UBE3A: variants seen among roughly 807,000 people sequenced by gnomAD.
UBE3A encodes the protein ubiquitin protein ligase E3A, also known as ubiquitin-protein ligase E3A.
A neutral mutation model predicts 83.4 loss-of-function variants in UBE3A; 6 were observed. The observed-to-expected ratio is 0.07, with a 90% CI of 0.04 to 0.14. The LOEUF is 0.14. Ranked by LOEUF, UBE3A falls within the 10% of genes least tolerant of loss-of-function variation. The probability of loss-of-function intolerance (pLI) is 1.00; values close to 1 mark genes in which losing one functional copy is unlikely to be tolerated. For synonymous variants in UBE3A, 337 were observed against 355.4 expected, an observed-to-expected ratio of 0.95 and a Z score of 0.58; for missense variants, 456 against 1,036.1, an observed-to-expected ratio of 0.44 and a Z score of 7.69.
chr15:25,355,465 T>C (rs528937087), intron 9 of UBE3A, among the ~76,000 whole-genome samples: 7 of 152,300 alleles, frequency 4.6e-5, no homozygotes, highest in East Asian at 1.9e-4. Context: ...TTTTAGTCAA[T>C]AGAAACCCAA....
intron 4 of UBE3A, among the ~76,000 whole-genome samples, chr15:25,386,367 G>T (rs1455996223): frequency 6.6e-6 from 1 of 152,078 alleles, no homozygotes; most frequent in Non-Finnish European, 1.5e-5. Context: ...CAAGCACCAG[G>T]ACCAGATACA....
intron 8 of UBE3A, among the ~76,000 whole-genome samples, chr15:25,356,427 C>A (rs1436365399): frequency 6.6e-6 from 1 of 152,154 alleles, no homozygotes; most frequent in Non-Finnish European, 1.5e-5. Context: ...TAAGATTTCA[C>A]TAAAACACAA....
At chr15:25,356,662 C>G (rs1487043068) in intron 8 of UBE3A, 29 bp downstream of exon 8, 1 of 1,602,692 alleles carries the variant, frequency 6.2e-7, no homozygotes, top group Admixed American at 1.7e-5. Context: ...ATCTAAGAGA[C>G]TGAATTAAAA....
rs563431783 is a variant in UBE3A at position 25,334,357 on chromosome 15, C to T, written c.*4780G>A. On this transcript the variant is annotated 3_prime_UTR_variant, in exon 13 of 13. Transcript: ENST00000648336. ...AAAATACTTAGAAAAAAATTAAAGA[C>T]GTCAAGACTTGCACACTGAAATCTC... The T allele has an allele frequency of 4.6e-5, 7 of 151,848 alleles. No individual in the cohort carries two copies. The South Asian group carries it at 6.2e-4, about 13-fold the overall frequency. 9.4% of individuals were successfully genotyped at this position (151,848 alleles called of 1,614,324 possible). A position where few individuals can be genotyped will look rare whatever the true frequency, so the allele number is the denominator to read the frequency against.
intron 6 of UBE3A, among the ~76,000 whole-genome samples, chr15:25,366,622 T>C (rs2079140677): frequency 1.3e-5 from 2 of 152,332 alleles, no homozygotes; most frequent in South Asian, 4.1e-4. Flanking sequence ...CCTGACTAAT[T>C]GGAACCAAGT....
At chr15:25,422,106 G>T (rs536371394) in intron 1 of UBE3A, 3 of 152,150 alleles carry the variant, frequency 2.0e-5, no homozygotes, top group South Asian at 4.2e-4. Context: ...TTAAAAAAAC[G>T]AAACAAACAA....
intron 7 of UBE3A, among the ~76,000 whole-genome samples, chr15:25,359,299 T>C (rs1401508175): frequency 2.0e-5 from 3 of 152,206 alleles, no homozygotes; most frequent in Non-Finnish European, 4.4e-5. Context: ...GTTTATAATT[T>C]TCTATCTCAA....
intron 6 of UBE3A, among the ~76,000 whole-genome samples, chr15:25,366,771 A>C (rs1490833611): frequency 6.6e-6 from 1 of 152,040 alleles, no homozygotes; most frequent in African/African-American, 2.4e-5. Context: ...ACATACACAC[A>C]TAAACACACA....
Position 25,359,093 on chromosome 15 carries a change from A to G in UBE3A, c.1753+1290T>C, listed in dbSNP as rs545662048. Among the ~76,000 whole-genome samples, 35 of 152,300 alleles carry G rather than the reference A, an allele frequency of 2.3e-4. 1 individual carries two copies. In the South Asian group the frequency reaches 6.8e-3, roughly 30 times the overall value. On this transcript the variant is annotated intron_variant, in intron 7 of 12. Transcript: ENST00000648336. ...CATGTTCCAGGGAGAAAAGCACCAT[A>G]ACCTCCTGGTAAAATACTCCTTTTT...
intron 4 of UBE3A, among the ~76,000 whole-genome samples, chr15:25,400,175 A>G (rs913359601): frequency 6.6e-6 from 1 of 152,186 alleles, no homozygotes; most frequent in African/African-American, 2.4e-5. Context: ...TATTTGTATC[A>G]TCTTCAATTT....
chr15:25,371,493 A>G lies in UBE3A; in HGVS notation c.681T>C (p.Asp227=). 6.2e-7 allele frequency: 1 copy of G among 1,614,106 alleles called. No homozygotes were observed. The highest frequency in any genetic ancestry group is 8.5e-7 in the Non-Finnish European group (1 of 1,180,020). The change falls in exon 6 of 13, where the codon GAT becomes GAC. Residue 227 remains aspartate (D), a synonymous_variant. Transcript: ENST00000648336. This position sits in a 1 kb window ranked among gnomAD's most constrained non-coding sequence, Gnocchi z 5.3. Reference sequence around the variant, plus strand: ...TGGCATCAATATCCACAGACACATCATCAGGGCCTAATTTTTGCAAATTGT... The same window carrying G: ...TGGCATCAATATCCACAGACACATCGTCAGGGCCTAATTTTTGCAAATTGT... The part of the protein sequence containing the change: ...GDNNLQKLGP[D]DVSVDIDAIR...
chr15:25,396,629 A>C (rs1352827725), intron 4 of UBE3A, among the ~76,000 whole-genome samples: 1 of 152,192 alleles, frequency 6.6e-6, no homozygotes, highest in Non-Finnish European at 1.5e-5. Context: ...ACAATATCTC[A>C]AACAACAAGC....
intron 4 of UBE3A, among the ~76,000 whole-genome samples, chr15:25,377,906 T>C (rs1049402254): frequency 1.3e-5 from 2 of 152,140 alleles, no homozygotes. Flanking sequence ...AGTTAAAAAG[T>C]AGCAGGTGTA....
intron 1 of UBE3A, among the ~76,000 whole-genome samples, chr15:25,427,116 C>T (rs1245314405): frequency 1.3e-5 from 2 of 152,054 alleles, no homozygotes; most frequent in African/African-American, 4.8e-5. Flanking sequence ...TGATCCTTAT[C>T]TGTAGATGAA....
chr15:25,355,132 A>C (rs2152688080), intron 9 of UBE3A, among the ~76,000 whole-genome samples: 1 of 152,310 alleles, frequency 6.6e-6, no homozygotes, highest in East Asian at 1.9e-4. Flanking sequence ...TAAACCATGT[A>C]TCCATCTATT....
At chr15:25,344,496 T>C (rs763494942) in intron 11 of UBE3A, among the ~76,000 whole-genome samples, 1 of 152,158 alleles carries the variant, frequency 6.6e-6, no homozygotes, top group African/African-American at 2.4e-5. Context: ...CGAGATTAGT[T>C]AGAAATCTCA....
intron 11 of UBE3A, among the ~76,000 whole-genome samples, chr15:25,353,087 A>T (rs2076741717): frequency 6.6e-6 from 1 of 152,214 alleles, no homozygotes; most frequent in Non-Finnish European, 1.5e-5. Context: ...ATCATATTAC[A>T]GAGATATTGC....
intron 6 of UBE3A, among the ~76,000 whole-genome samples, chr15:25,363,647 T>G (rs1357565020): frequency 6.6e-6 from 1 of 152,250 alleles, no homozygotes; most frequent in Non-Finnish European, 1.5e-5. Context: ...TTACTCACTC[T>G]CTTCAATGAC....
intron 11 of UBE3A, among the ~76,000 whole-genome samples, chr15:25,352,808 TATC>T (rs1431029217): frequency 6.6e-6 from 1 of 152,354 alleles, no homozygotes; most frequent in South Asian, 2.1e-4. Flanking sequence ...AGGTTTAGAA[TATC>T]ATCAACTCTT....
Sources: allele counts gnomAD v4.1 joint callset (sites outside exome capture counted in the v4.1 genomes callset), GRCh38; gene constraint gnomAD v4.1.1; non-coding constraint Gnocchi (gnomAD v3.1); transcripts MANE v1.5; gene names NCBI Gene and HGNC (gene_info 2026-07-23, HGNC 2026-07-21).